NAALADL2: variants seen among roughly 807,000 people sequenced by gnomAD.
NAALADL2 encodes N-acetylated alpha-linked acidic dipeptidase like 2.
A neutral mutation model predicts 87.2 loss-of-function variants in NAALADL2; 76 were observed. The ratio of observed to expected loss-of-function variants is 0.87; its 90% confidence interval spans 0.72 to 1.05. NAALADL2 has a LOEUF of 1.05. Ranked by LOEUF, NAALADL2 falls within the 50% of genes least tolerant of loss-of-function variation. NAALADL2 has a pLI of 0.00. For synonymous variants in NAALADL2, 354 were observed against 331.0 expected, an observed-to-expected ratio of 1.07 and a Z score of -0.75; for missense variants, 1,089 against 945.8, an observed-to-expected ratio of 1.15 and a Z score of -1.99.
intron 4 of NAALADL2, among the ~76,000 whole-genome samples, chr3:175,268,382 C>G (rs1282877303): frequency 6.6e-6 from 1 of 152,080 alleles, no homozygotes; most frequent in Non-Finnish European, 1.5e-5. Flanking sequence ...GTCAGTAGAG[C>G]TTGCAGGACT....
At chr3:175,392,953 T>C (rs1036197118) in intron 5 of NAALADL2, among the ~76,000 whole-genome samples, 1 of 152,130 alleles carries the variant, frequency 6.6e-6, no homozygotes, top group African/African-American at 2.4e-5. Flanking sequence ...ACTAAGGAAC[T>C]GGAATAGTTC....
At chr3:174,625,238 A>G (rs1339799850) in intron 2 of NAALADL2, among the ~76,000 whole-genome samples, 1 of 151,646 alleles carries the variant, frequency 6.6e-6, no homozygotes, top group Non-Finnish European at 1.5e-5. Context: ...TTGGTATTTT[A>G]GTAGAGATGA....
At chr3:174,797,305 CT>C (rs1160338109) in intron 3 of NAALADL2, among the ~76,000 whole-genome samples, 1,216 of 72,710 alleles carry the variant, frequency 0.017, 12 homozygotes, top group African/African-American at 0.062. Flanking sequence ...TTTCTTTTTT[CT>C]TTTTTTTTTT....
At chr3:175,274,069 A>T (rs565890982) in intron 4 of NAALADL2, among the ~76,000 whole-genome samples, 2 of 152,314 alleles carry the variant, frequency 1.3e-5, no homozygotes, top group African/African-American at 4.8e-5. Flanking sequence ...AATAAAGAAT[A>T]GGCTGGGTAA....
intron 2 of NAALADL2, among the ~76,000 whole-genome samples, chr3:174,657,287 A>G (rs1725055028): frequency 6.6e-6 from 1 of 151,858 alleles, no homozygotes; most frequent in Non-Finnish European, 1.5e-5. Flanking sequence ...AGGTAGGATT[A>G]CAGGAACCTG....
intron 1 of NAALADL2, among the ~76,000 whole-genome samples, chr3:174,923,354 A>C (rs1362209710): frequency 6.6e-6 from 1 of 152,188 alleles, no homozygotes; most frequent in Non-Finnish European, 1.5e-5. Flanking sequence ...AGTGCAATAA[A>C]TAAGAAACCA....
intron 1 of NAALADL2, among the ~76,000 whole-genome samples, chr3:174,535,839 T>C (rs1373029328): frequency 6.6e-6 from 1 of 152,150 alleles, no homozygotes; most frequent in Non-Finnish European, 1.5e-5. Context: ...ATTTTCCCTC[T>C]ACATTATAAT....
At chr3:175,352,881 A>G (rs1763930741) in intron 5 of NAALADL2, among the ~76,000 whole-genome samples, 2 of 151,740 alleles carry the variant, frequency 1.3e-5, no homozygotes, top group Admixed American at 6.6e-5. Flanking sequence ...CTTTCGTCCA[A>G]CGTGAGCTCT....
chr3:175,240,054 C>T (rs777367827), intron 3 of NAALADL2, among the ~76,000 whole-genome samples: 1 of 152,074 alleles, frequency 6.6e-6, no homozygotes, highest in Non-Finnish European at 1.5e-5. Flanking sequence ...TAAATATAAT[C>T]TTTCTGTCTT....
At chr3:174,888,950 CA>C (rs1730540480) in intron 1 of NAALADL2, among the ~76,000 whole-genome samples, 1 of 152,084 alleles carries the variant, frequency 6.6e-6, no homozygotes, top group Non-Finnish European at 1.5e-5. Context: ...ATTTGAATCT[CA>C]AAAAACTTTG....
At chr3:174,765,131 C>G (rs981126088) in intron 3 of NAALADL2, among the ~76,000 whole-genome samples, 13 of 120,288 alleles carry the variant, frequency 1.1e-4, no homozygotes, top group African/African-American at 3.3e-4. Context: ...CATACACACA[C>G]ACACACACAC....
intron 1 of NAALADL2, among the ~76,000 whole-genome samples, chr3:174,934,109 C>T (rs1353922889): frequency 6.6e-6 from 1 of 152,114 alleles, no homozygotes; most frequent in African/African-American, 2.4e-5. Context: ...ATGAAGGATT[C>T]ATCCACCCCA....
intron 3 of NAALADL2, among the ~76,000 whole-genome samples, chr3:174,783,596 T>A (rs1716260483): frequency 6.6e-6 from 1 of 152,144 alleles, no homozygotes; most frequent in African/African-American, 2.4e-5. Context: ...ACCTGATTCT[T>A]CAATTCTCCA....
At chr3:174,514,184 C>A (rs1480900378) in intron 1 of NAALADL2, among the ~76,000 whole-genome samples, 1 of 152,066 alleles carries the variant, frequency 6.6e-6, no homozygotes, top group Non-Finnish European at 1.5e-5. Flanking sequence ...CCACCCAGTA[C>A]CTTTGTAAAA....
At chr3:174,712,375 CTCTTCTTTTTTTTTTTT>C (rs1730726734) in intron 2 of NAALADL2, among the ~76,000 whole-genome samples, 1 of 138,708 alleles carries the variant, frequency 7.2e-6, no homozygotes, top group Non-Finnish European at 1.5e-5. Flanking sequence ...CTCACTTCTC[CTCTTCTTTTTTTTTTTT>C]TTTTTTTTTT....
chr3:175,449,963 T>C (rs1237148962), intron 6 of NAALADL2, among the ~76,000 whole-genome samples: 1 of 152,232 alleles, frequency 6.6e-6, no homozygotes, highest in Non-Finnish European at 1.5e-5. Flanking sequence ...ACCTTTCATG[T>C]TATAATGAGT....
chr3:175,786,274 T>A lies in NAALADL2; in HGVS notation c.2190-16731T>A, dbSNP rs1422779920. 6.8e-4 allele frequency among the ~76,000 whole-genome samples: 104 copies of A among 152,294 alleles called. 1 individual carries two copies. The highest frequency in any genetic ancestry group is 2.1e-3 in the South Asian group (10 of 4,824). On this transcript the variant is annotated intron_variant, in intron 13 of 13. Transcript: ENST00000454872. ...CCTTGCTAGATTGGGGAAGTTCTCCTGGATAATATCCTGCAAAGTGTTTTC... is the reference window on the plus strand; with the variant it reads ...CCTTGCTAGATTGGGGAAGTTCTCCAGGATAATATCCTGCAAAGTGTTTTC...
intron 3 of NAALADL2, among the ~76,000 whole-genome samples, chr3:174,773,795 T>G (rs1395492360): frequency 6.6e-6 from 1 of 152,116 alleles, no homozygotes; most frequent in Admixed American, 6.6e-5. Flanking sequence ...GTTAGGTAGG[T>G]GTACTTACTT....
chr3:175,490,388 GTTGT>G (rs1345843230), intron 9 of NAALADL2, among the ~76,000 whole-genome samples: 5 of 151,512 alleles, frequency 3.3e-5, no homozygotes, highest in Non-Finnish European at 5.9e-5. Context: ...TTTTGTTGTT[GTTGT>G]TTGTTTGTTT....
Sources: allele counts gnomAD v4.1 joint callset (sites outside exome capture counted in the v4.1 genomes callset), GRCh38; gene constraint gnomAD v4.1.1; transcripts MANE v1.5; gene names NCBI Gene and HGNC (gene_info 2026-07-23, HGNC 2026-07-21).